Variants in ZBTB43 observed in about 807,000 individuals in gnomAD.
ZBTB43 encodes zinc finger and BTB domain containing 43, also known as zinc finger and BTB domain-containing protein 43.
A neutral mutation model predicts 31.1 loss-of-function variants in ZBTB43; 6 were observed. The ratio of observed to expected loss-of-function variants is 0.19; its 90% CI spans 0.11 to 0.38. The LOEUF is 0.38. Among genes scored for constraint, ZBTB43 ranks in the 10% least tolerant of loss-of-function variants. The pLI is 1.00. For synonymous variants in ZBTB43, 212 were observed against 221.7 expected, an observed-to-expected ratio of 0.96 and a Z score of 0.39; for missense variants, 379 against 602.1, an observed-to-expected ratio of 0.63 and a Z score of 3.88.
At chr9:126,810,528 G>T (rs1440715508) in intron 2 of ZBTB43, among the ~76,000 whole-genome samples, 3 of 141,336 alleles carry the variant, frequency 2.1e-5, no homozygotes, top group African/African-American at 8.0e-5. Flanking sequence ...TTGAGATGGG[G>T]TCTCGCTCTG....
At chr9:126,818,751 G>A (rs532935377) in intron 2 of ZBTB43, among the ~76,000 whole-genome samples, 24 of 152,192 alleles carry the variant, frequency 1.6e-4, no homozygotes, top group Non-Finnish European at 2.9e-4. Flanking sequence ...TTAATATGCC[G>A]CTTAATTTGG....
At chr9:126,818,470 T>TC (rs762288682) in intron 2 of ZBTB43, among the ~76,000 whole-genome samples, 53 of 151,998 alleles carry the variant, frequency 3.5e-4, no homozygotes, top group South Asian at 6.2e-4. Context: ...GTCTCAAACT[T>TC]CTGAGCCCAA....
At chr9:126,812,050 C>G (rs985466923) in intron 2 of ZBTB43, among the ~76,000 whole-genome samples, 3 of 152,088 alleles carry the variant, frequency 2.0e-5, no homozygotes, top group African/African-American at 7.2e-5. Flanking sequence ...TTTGTCTCCC[C>G]TCAAAGAAAC....
At chr9:126,821,454 G>A (rs995382634) in intron 2 of ZBTB43, among the ~76,000 whole-genome samples, 6 of 152,142 alleles carry the variant, frequency 3.9e-5, no homozygotes. Context: ...AAGAACATTC[G>A]TGATTGGTGG....
intron 1 of ZBTB43, among the ~76,000 whole-genome samples, chr9:126,806,440 C>G (rs2032129262): frequency 6.6e-6 from 1 of 152,074 alleles, no homozygotes; most frequent in African/African-American, 2.4e-5. Flanking sequence ...CTAGAATAAA[C>G]CAATTAAGAG....
chr9:126,815,897 C>A (rs541334819), intron 2 of ZBTB43, among the ~76,000 whole-genome samples: 1 of 150,212 alleles, frequency 6.7e-6, no homozygotes, highest in African/African-American at 2.5e-5. Context: ...TTACCTTGTT[C>A]GGTGCTGGAT....
At chr9:126,824,368 G>A (rs906105472) in intron 2 of ZBTB43, among the ~76,000 whole-genome samples, 7 of 152,146 alleles carry the variant, frequency 4.6e-5, no homozygotes, top group African/African-American at 9.7e-5. Context: ...CTTTACCAGC[G>A]GTCTTTGCTT....
At chr9:126,826,756 G>A (rs2032650987) in intron 2 of ZBTB43, among the ~76,000 whole-genome samples, 1 of 151,920 alleles carries the variant, frequency 6.6e-6, no homozygotes, top group South Asian at 2.1e-4. Context: ...GAGCCACCAC[G>A]CCCGACCTCC....
chr9:126,814,971 G>A (rs923637188), intron 2 of ZBTB43, among the ~76,000 whole-genome samples: 1 of 150,284 alleles, frequency 6.7e-6, no homozygotes, highest in Non-Finnish European at 1.5e-5. Context: ...GTACACAAGG[G>A]GCCTTTTTTT....
At chr9:126,825,575 C>A (rs1048987248) in intron 2 of ZBTB43, among the ~76,000 whole-genome samples, 3 of 152,126 alleles carry the variant, frequency 2.0e-5, no homozygotes, top group African/African-American at 7.2e-5. Flanking sequence ...GTCTTTTCTT[C>A]GTGGTTGTGC....
intron 2 of ZBTB43, among the ~76,000 whole-genome samples, chr9:126,822,518 G>A (rs181239436): frequency 1.6e-4 from 25 of 151,820 alleles, no homozygotes; most frequent in East Asian, 6.2e-4. Context: ...TGAGGCAGGC[G>A]GATTGCTTGA....
Position 126,833,057 on chromosome 9 carries a change from A to G in ZBTB43, c.548A>G (p.Asp183Gly). 1 of 1,614,024 alleles carries G rather than the reference A, an allele frequency of 6.2e-7. No homozygotes were observed. Among genetic ancestry groups the G allele is most frequent in the Non-Finnish European group, 8.5e-7 (1 of 1,180,030 alleles). ...DGENEEESTK[D>G]ELSSQLTEHE... ...GAAAATGAAGAGGAGAGCACCAAAG[A>G]CGAGCTGTCATCCCAGCTCACCGAG... is the stretch of plus-strand genomic sequence containing the variant. Residue 183 changes from aspartate (D) to glycine (G), a missense_variant, in exon 3 of 3, where the codon GAC becomes GGC. This residue lies in a region of ZBTB43 where 253 missense variants were observed against 322.3 expected (regional missense o/e 0.79). Coordinates refer to ENST00000373464, the MANE Select transcript of ZBTB43 (RefSeq NM_014007.4). This position sits in a 1 kb window ranked among gnomAD's most constrained non-coding sequence, Gnocchi z 7.9.
intron 1 of ZBTB43, among the ~76,000 whole-genome samples, chr9:126,807,721 C>T (rs551515672): frequency 2.1e-4 from 32 of 152,144 alleles, no homozygotes; most frequent in African/African-American, 7.5e-4. Flanking sequence ...CTGCAACCTC[C>T]GCCTCCTGGG....
chr9:126,806,158 A>T (rs778653301), intron 1 of ZBTB43, among the ~76,000 whole-genome samples: 20 of 152,162 alleles, frequency 1.3e-4, no homozygotes, highest in Non-Finnish European at 2.5e-4. Flanking sequence ...GTCTCCAGGG[A>T]TCTCTGGAGC....
At chr9:126,807,045 C>T (rs1435995291) in intron 1 of ZBTB43, among the ~76,000 whole-genome samples, 1 of 152,054 alleles carries the variant, frequency 6.6e-6, no homozygotes, top group Non-Finnish European at 1.5e-5. Flanking sequence ...ATGGGGGATG[C>T]CTTTGTGGTT....
chr9:126,825,493 G>A (rs753872426), intron 2 of ZBTB43, among the ~76,000 whole-genome samples: 3 of 152,138 alleles, frequency 2.0e-5, no homozygotes, highest in Non-Finnish European at 4.4e-5. Flanking sequence ...CAAGATGTTA[G>A]CAGGTTTGGG....
chr9:126,806,683 C>T (rs543281728), intron 1 of ZBTB43, among the ~76,000 whole-genome samples: 8 of 152,290 alleles, frequency 5.3e-5, no homozygotes, highest in African/African-American at 1.9e-4. Context: ...TCATTGGAGA[C>T]TCCTGAAACC....
chr9:126,805,292 C>T (rs755127297), intron 1 of ZBTB43, among the ~76,000 whole-genome samples, 160 bp downstream of exon 1: 4 of 152,194 alleles, frequency 2.6e-5, no homozygotes, highest in Non-Finnish European at 5.9e-5. Context: ...GTTGGGGTCC[C>T]GGCGCTCCAG....
At chr9:126,832,247 A>G (rs2032780404) in intron 2 of ZBTB43, 3 of 473,362 alleles carry the variant, frequency 6.3e-6, no homozygotes, top group South Asian at 6.7e-5. Flanking sequence ...CTATGGATTC[A>G]GTTCTCTTAC....
Sources: allele counts gnomAD v4.1 joint callset (sites outside exome capture counted in the v4.1 genomes callset), GRCh38; gene constraint gnomAD v4.1.1; regional missense constraint gnomAD v4.1.1; non-coding constraint Gnocchi (gnomAD v3.1); transcripts MANE v1.5; gene names NCBI Gene and HGNC (gene_info 2026-07-23, HGNC 2026-07-21).